The following STXBP5L variants were observed in gnomAD, a reference collection of about 807,000 sequenced individuals.
STXBP5L encodes syntaxin-binding protein 5-like.
In STXBP5L, 65 loss-of-function variants were observed where a neutral mutation model predicts 144.5. That is an observed-to-expected ratio of 0.45 (90% confidence interval 0.37 to 0.55). The LOEUF (loss-of-function observed/expected upper bound fraction) is 0.55, where lower values mean the gene tolerates loss of function less well. STXBP5L is among the 20% of genes least tolerant of loss of function. STXBP5L has a pLI of 0.00. For synonymous variants in STXBP5L, 505 were observed against 469.6 expected, an observed-to-expected ratio of 1.08 and a Z score of -0.97; for missense variants, 1,298 against 1,405.5, an observed-to-expected ratio of 0.92 and a Z score of 1.22.
At chr3:121,094,177 G>T (rs1297934004) in intron 5 of STXBP5L, among the ~76,000 whole-genome samples, 3 of 152,072 alleles carry the variant, frequency 2.0e-5, no homozygotes, top group African/African-American at 7.2e-5. Context: ...TTGCTGAGGA[G>T]AGCTTTACTT....
intron 19 of STXBP5L, among the ~76,000 whole-genome samples, chr3:121,309,099 A>G (rs370248300): frequency 3.4e-4 from 52 of 152,230 alleles, no homozygotes; most frequent in African/African-American, 1.2e-3. Context: ...GAGGATCAAA[A>G]AAAAACATGA....
intron 19 of STXBP5L, among the ~76,000 whole-genome samples, chr3:121,312,181 T>C (rs1349218048): frequency 1.3e-5 from 2 of 152,084 alleles, no homozygotes; most frequent in Non-Finnish European, 2.9e-5. Flanking sequence ...ACACCTTATA[T>C]AAAAATTAAT....
intron 9 of STXBP5L, among the ~76,000 whole-genome samples, chr3:121,190,671 C>T (rs2047614128): frequency 6.6e-6 from 1 of 151,298 alleles, no homozygotes. Flanking sequence ...GGGTGGCTGG[C>T]TGGGCGGCGG....
At chr3:121,122,264 G>A (rs1381159522) in intron 7 of STXBP5L, among the ~76,000 whole-genome samples, 1 of 150,028 alleles carries the variant, frequency 6.7e-6, no homozygotes, top group East Asian at 1.9e-4. Flanking sequence ...TATAGGTTTG[G>A]TTCTTTATTT....
At chr3:121,372,942 A>G (rs971388269) in intron 20 of STXBP5L, among the ~76,000 whole-genome samples, 14 of 152,238 alleles carry the variant, frequency 9.2e-5, no homozygotes, top group African/African-American at 3.4e-4. Flanking sequence ...TATTTTTAAA[A>G]GAATAAGTAA....
At chr3:121,125,533 A>T (rs1409172373) in intron 7 of STXBP5L, among the ~76,000 whole-genome samples, 1 of 152,046 alleles carries the variant, frequency 6.6e-6, no homozygotes, top group Non-Finnish European at 1.5e-5. Flanking sequence ...CCAATATATC[A>T]TTTATAAAGA....
chr3:121,179,278 A>G (rs905772194), intron 9 of STXBP5L, among the ~76,000 whole-genome samples: 3 of 152,154 alleles, frequency 2.0e-5, no homozygotes, highest in East Asian at 1.9e-4. Flanking sequence ...AACCAACATC[A>G]GGAAAAGCCA....
chr3:121,362,447 A>AGGAAG (rs1576288215), intron 20 of STXBP5L, among the ~76,000 whole-genome samples: 1 of 152,194 alleles, frequency 6.6e-6, no homozygotes, highest in East Asian at 1.9e-4. Context: ...TCAAAACACA[A>AGGAAG]GACAGAGTCC....
chr3:121,013,761 T>G (rs1024376789), intron 3 of STXBP5L, among the ~76,000 whole-genome samples: 1 of 152,066 alleles, frequency 6.6e-6, no homozygotes, highest in African/African-American at 2.4e-5. Context: ...CTTCTAAGAT[T>G]GTGTAGTTTG....
At chr3:121,295,338 G>C (rs1435338612) in intron 19 of STXBP5L, among the ~76,000 whole-genome samples, 1 of 152,016 alleles carries the variant, frequency 6.6e-6, no homozygotes, top group Non-Finnish European at 1.5e-5. Flanking sequence ...ACAGAATGAA[G>C]AGATACATTG....
At chr3:121,021,098 C>T (rs1472597313) in intron 3 of STXBP5L, among the ~76,000 whole-genome samples, 5 of 151,216 alleles carry the variant, frequency 3.3e-5, no homozygotes, top group Non-Finnish European at 1.5e-5. Flanking sequence ...AACTGGACAC[C>T]AGAAGCAAGC....
At chr3:120,979,422 G>A (rs915328880) in intron 3 of STXBP5L, among the ~76,000 whole-genome samples, 14 of 152,154 alleles carry the variant, frequency 9.2e-5, no homozygotes, top group South Asian at 4.1e-4. Flanking sequence ...TAGGGTGGGC[G>A]TGACCCAATT....
Position 121,051,170 on chromosome 3 carries a change from G to A in STXBP5L, c.470+5635G>A, listed in dbSNP as rs1051919543. On this transcript the variant is annotated intron_variant, in intron 5 of 26. Coordinates refer to ENST00000471454, the MANE Select transcript of STXBP5L (RefSeq NM_001308330.2). Reference sequence around the variant, plus strand: ...AACACCCCACTGTCAACATTAGACAGATCAACGAGACAGAAAGTTAACAAG... The same window carrying A: ...AACACCCCACTGTCAACATTAGACAAATCAACGAGACAGAAAGTTAACAAG... 5.3e-5 allele frequency among the ~76,000 whole-genome samples: 8 copies of A among 152,242 alleles called. No homozygotes were observed. In the South Asian group the frequency reaches 1.0e-3, roughly 20 times the overall value.
chr3:120,958,090 T>A (rs1406198158), intron 3 of STXBP5L, among the ~76,000 whole-genome samples: 1 of 152,058 alleles, frequency 6.6e-6, no homozygotes, highest in South Asian at 2.1e-4. Context: ...CCACCGATCC[T>A]GCAGAAATAC....
At chr3:121,064,025 C>G (rs1031842864) in intron 5 of STXBP5L, among the ~76,000 whole-genome samples, 5 of 152,134 alleles carry the variant, frequency 3.3e-5, no homozygotes, top group Non-Finnish European at 5.9e-5. Context: ...ATTCCAAGCG[C>G]CACTGAGGTA....
chr3:121,177,918 T>A (rs2046996811), intron 9 of STXBP5L, among the ~76,000 whole-genome samples: 1 of 152,344 alleles, frequency 6.6e-6, no homozygotes, highest in Non-Finnish European at 1.5e-5. Context: ...ATGTGGTATA[T>A]ACATCAAATG....
At chr3:121,331,350 A>G (rs1014687478) in intron 20 of STXBP5L, among the ~76,000 whole-genome samples, 3 of 152,194 alleles carry the variant, frequency 2.0e-5, no homozygotes, top group Non-Finnish European at 4.4e-5. Flanking sequence ...GGCTTCTCCC[A>G]TGGGAGCTTA....
chr3:121,020,470 T>G (rs1945467756), intron 3 of STXBP5L, among the ~76,000 whole-genome samples: 1 of 152,176 alleles, frequency 6.6e-6, no homozygotes, highest in African/African-American at 2.4e-5. Flanking sequence ...ATCGGTTATC[T>G]AAAATCATGA....
At chr3:121,263,630 A>G (rs1430615555) in intron 18 of STXBP5L, among the ~76,000 whole-genome samples, 1 of 152,120 alleles carries the variant, frequency 6.6e-6, no homozygotes, top group Non-Finnish European at 1.5e-5. Flanking sequence ...AAGATAAATG[A>G]CCTGATGGAG....
Sources: gnomAD v4.1 joint callset for allele counts (sites outside exome capture counted in the v4.1 genomes callset) on GRCh38, gnomAD v4.1.1 for gene constraint, MANE v1.5 for transcripts, NCBI Gene and HGNC (gene_info 2026-07-23, HGNC 2026-07-21) for gene names.